Variants in STK3 observed in about 807,000 individuals in gnomAD.
STK3 encodes the protein serine/threonine-protein kinase 3.
Under a neutral mutation model 58.0 loss-of-function variants are expected in STK3, and 41 were observed. The observed-to-expected ratio is 0.71, with a 90% CI of 0.55 to 0.92. STK3 has a LOEUF of 0.92. STK3 is among the 40% of genes least tolerant of loss of function. The pLI is 0.00. For synonymous variants in STK3, 170 were observed against 191.0 expected (o/e 0.89, Z 0.91); for missense variants, 479 against 602.7 (o/e 0.79, Z 2.15).
intron 3 of STK3, among the ~76,000 whole-genome samples, chr8:98,751,365 C>G (rs185939224): frequency 4.1e-4 from 62 of 152,314 alleles, no homozygotes; most frequent in Admixed American, 6.5e-4. Flanking sequence ...CCCATAGCCT[C>G]AGCCCAAAAG....
the STK3 span, among the ~76,000 whole-genome samples, chr8:98,358,351 G>C: frequency 1.3e-5 from 2 of 152,112 alleles, no homozygotes; most frequent in South Asian, 4.1e-4. Context: ...ACATGCTGCA[G>C]TTTCAAGAGG....
At chr8:98,543,934 A>G (rs1810488946) in intron 9 of STK3, among the ~76,000 whole-genome samples, 1 of 152,182 alleles carries the variant, frequency 6.6e-6, no homozygotes, top group Admixed American at 6.6e-5. Flanking sequence ...TTTCCAGGAG[A>G]GGCAGAAAAG....
At chr8:98,650,762 T>G (rs183992668) in intron 6 of STK3, among the ~76,000 whole-genome samples, 283 of 152,234 alleles carry the variant, frequency 1.9e-3, no homozygotes, top group Middle Eastern at 0.01. Flanking sequence ...GAGATCAAAC[T>G]GCAAGGTGGC....
Position 98,613,093 on chromosome 8 carries a change from G to C in STK3, c.685-16924C>G, listed in dbSNP as rs553302072. ...AATAGAGACTACACACGGAGAGCTA[G>C]AATCACCACTCTGACTCAGCAATAA... On this transcript the variant is annotated intron_variant, in intron 6 of 10. Coordinates refer to ENST00000419617, the MANE Select transcript of STK3 (RefSeq NM_006281.4). Among the ~76,000 whole-genome samples the C allele has an allele frequency of 9.8e-5, 15 of 152,296 alleles. No individual in the cohort carries two copies. The South Asian group carries it at 2.7e-3, about 27-fold the overall frequency.
chr8:98,401,866 C>G (rs1817946693), intron 3 of STK3, among the ~76,000 whole-genome samples: 2 of 152,092 alleles, frequency 1.3e-5, no homozygotes, highest in Admixed American at 6.5e-5. Flanking sequence ...AAGAATCCAG[C>G]CTTTACTGGA....
downstream of STK3, among the ~76,000 whole-genome samples, chr8:98,450,145 G>A (rs1586589884): frequency 6.6e-6 from 1 of 152,208 alleles, no homozygotes; most frequent in South Asian, 2.1e-4. Context: ...TTAAAAAATT[G>A]AGCATGATAG....
intron 1 of STK3, among the ~76,000 whole-genome samples, chr8:98,789,277 T>C (rs1355310172): frequency 1.3e-5 from 2 of 151,968 alleles, no homozygotes; most frequent in African/African-American, 4.8e-5. Context: ...TAGAGGAAAG[T>C]TTATAACCCT....
At chr8:98,608,751 T>G (rs1401820065) in intron 6 of STK3, among the ~76,000 whole-genome samples, 2 of 152,164 alleles carry the variant, frequency 1.3e-5, no homozygotes, top group Non-Finnish European at 2.9e-5. Flanking sequence ...TAGACACGGA[T>G]GAGCATAGCT....
chr8:98,747,120 A>G (rs1829696668), intron 4 of STK3, among the ~76,000 whole-genome samples: 1 of 151,528 alleles, frequency 6.6e-6, no homozygotes, highest in Non-Finnish European at 1.5e-5. Context: ...CATTATCATC[A>G]TACCCACCAC....
At chr8:98,394,170 G>C (rs1340278372) in intron 3 of STK3, among the ~76,000 whole-genome samples, 1 of 152,138 alleles carries the variant, frequency 6.6e-6, no homozygotes, top group Non-Finnish European at 1.5e-5. Context: ...TAGCAAACAG[G>C]AGCCCAGAGA....
chr8:98,598,589 A>G, intron 6 of STK3: 1 of 985,412 alleles, frequency 1.0e-6, no homozygotes, highest in Non-Finnish European at 1.2e-6. Context: ...GGATCCTCTT[A>G]AGAATCTCTA....
chr8:98,705,078 C>T (rs1425645831), intron 6 of STK3, among the ~76,000 whole-genome samples: 2 of 151,922 alleles, frequency 1.3e-5, no homozygotes, highest in Non-Finnish European at 1.5e-5. Context: ...TTTCATTTAC[C>T]AAAAGGAATT....
intron 4 of STK3, among the ~76,000 whole-genome samples, chr8:98,710,293 T>C (rs746459973): frequency 1.1e-4 from 16 of 152,008 alleles, no homozygotes; most frequent in Non-Finnish European, 1.6e-4. Flanking sequence ...GGAAAGTGGG[T>C]GCAAGACAGT....
Position 98,428,996 on chromosome 8 carries a change from G to T in STK3, n.483+5131C>A. ...TGCTCTTGCTCTACCTCTCCGTGGG[G>T]ATTTCCATCTTCTCCGTGGTGGCCT... On this transcript the variant is annotated intron_variant and non_coding_transcript_variant, in intron 3 of 3. Coordinates refer to the STK3 transcript ENST00000517832. The surrounding 1 kb of genome is among the most constrained non-coding windows in gnomAD (Gnocchi z 6.7). 6.2e-7 allele frequency: 1 copy of T among 1,614,142 alleles called. No homozygotes were observed.
intron 3 of STK3, among the ~76,000 whole-genome samples, chr8:98,841,313 G>T (rs1216197123): frequency 2.6e-5 from 4 of 152,114 alleles, no homozygotes; most frequent in Non-Finnish European, 5.9e-5. Flanking sequence ...TTGTGGTGAT[G>T]GCTTCACAAA....
At chr8:98,564,144 T>C (rs1441871552) in intron 8 of STK3, among the ~76,000 whole-genome samples, 1 of 152,140 alleles carries the variant, frequency 6.6e-6, no homozygotes, top group African/African-American at 2.4e-5. Context: ...TCTCTGGGTC[T>C]TTTCAAAAAC....
downstream of STK3, chr8:98,881,920 G>A (rs1278601479): frequency 6.6e-6 from 1 of 152,178 alleles, no homozygotes; most frequent in African/African-American, 2.4e-5. Context: ...CCAGGAGGTT[G>A]AGGCCATGGT....
chr8:98,518,381 G>T (rs1160407557), intron 10 of STK3, among the ~76,000 whole-genome samples: 2 of 152,048 alleles, frequency 1.3e-5, no homozygotes, highest in Non-Finnish European at 2.9e-5. Context: ...AGCACCATTA[G>T]GAATAAGAAA....
intron 1 of STK3, among the ~76,000 whole-genome samples, chr8:98,892,465 G>A (rs190499569): frequency 6.6e-5 from 10 of 152,270 alleles, no homozygotes; most frequent in African/African-American, 1.4e-4. Flanking sequence ...GTCCAGATTC[G>A]TTAATGGGGT....
Sources: gnomAD v4.1 joint callset for allele counts (sites outside exome capture counted in the v4.1 genomes callset) on GRCh38, gnomAD v4.1.1 for gene constraint, Gnocchi (gnomAD v3.1) non-coding constraint, MANE v1.5 for transcripts, NCBI Gene and HGNC (gene_info 2026-07-23, HGNC 2026-07-21) for gene names.